TLR7: variants seen among roughly 807,000 people sequenced by gnomAD.
TLR7 encodes the protein toll-like receptor 7.
TLR7 carries 12 observed loss-of-function variants against 38.3 expected under a neutral mutation model. The observed-to-expected ratio is 0.31, with a 90% CI of 0.20 to 0.51. The LOEUF (loss-of-function observed/expected upper bound fraction) is 0.51. TLR7 is among the 20% of genes least tolerant of loss of function. The pLI, the probability that TLR7 is intolerant of heterozygous loss-of-function variation, is 0.98. For missense variants in TLR7, 504 were observed against 743.4 expected, an observed-to-expected ratio of 0.68 and a Z score of 3.74; for synonymous variants, 285 against 293.8, an observed-to-expected ratio of 0.97 and a Z score of 0.31.
intron 2 of TLR7, among the ~76,000 whole-genome samples, chrX:12,877,110 A>C (rs1217417093): frequency 8.9e-6 from 1 of 112,059 alleles, no homozygotes; most frequent in African/African-American, 3.2e-5. Flanking sequence ...ACACTGAAGG[A>C]AATTTCCATT....
intron 2 of TLR7, 96 bp from the exon 3 acceptor site, chrX:12,885,416 T>C (rs1245119936): frequency 4.9e-6 from 4 of 819,374 alleles, no homozygotes; most frequent in Non-Finnish European, 7.0e-6. Flanking sequence ...TTGTTTATTT[T>C]TAAAATGTTG....
rs943303582 is a variant in TLR7, at chrX:12,887,689, T to C, written c.2181T>C (p.Asn727=). ...RLSNCSRSLK[N]LILKNNQIRS... ...CCAACTGTTCCAGAAGCCTCAAGAA[T>C]CTGATTCTTAAGAATAATCAAATCA... Residue 727 remains asparagine, a synonymous_variant, in exon 3 of 3, where the codon AAT becomes AAC. Coordinates refer to ENST00000380659, the MANE Select transcript of TLR7 (RefSeq NM_016562.4). The C allele has an allele frequency of 2.5e-6, 3 of 1,210,010 alleles. No individual in the cohort carries two copies. The highest frequency in any genetic ancestry group is 1.1e-6 in the Non-Finnish European group (1 of 895,302).
rs1201818572 is a variant in TLR7, at chrX:12,887,104, T to G, written c.1596T>G (p.Thr532=). 1.7e-6 allele frequency: 2 copies of G among 1,210,997 alleles called. No homozygotes were observed. Among genetic ancestry groups the G allele is most frequent in the Non-Finnish European group, 2.2e-6 (2 of 895,081 alleles). The change falls in exon 3 of 3, where the codon ACT becomes ACG. Residue 532 remains threonine (T), a synonymous_variant. Coordinates refer to ENST00000380659, the MANE Select transcript of TLR7 (RefSeq NM_016562.4). ...TGTCAGGAAATCTCATTAGCCAAAC[T>G]CTTAATGGCAGTGAATTCCAACCTT... is the stretch of plus-strand genomic sequence containing the variant. ...LNLSGNLISQ[T]LNGSEFQPLA... is the part of the protein sequence containing the mutation.
chrX:12,889,403 CA>C lies in TLR7; in HGVS notation c.*758del, dbSNP rs371951034. ...ACAGAGCTAGACTGTCTCAAAAGAA[CA>C]AAAAAAAAAAAACACAAAAAAACTC... On this transcript the variant is annotated 3_prime_UTR_variant, in exon 3 of 3. Coordinates refer to ENST00000380659, the MANE Select transcript of TLR7 (RefSeq NM_016562.4). The C allele has an allele frequency of 0.013, 1,217 of 93,787 alleles. 10 individuals are homozygous for C. The highest frequency in any genetic ancestry group is 0.042 in the African/African-American group (1,077 of 25,887). 7.7% of individuals were successfully genotyped at this position (93,787 alleles called of 1,213,427 possible). A position where few individuals can be genotyped will look rare whatever the true frequency, so the allele number is the denominator to read the frequency against.
chrX:12,869,806 A>G (rs1253992543), intron 2 of TLR7, among the ~76,000 whole-genome samples: 2 of 98,059 alleles, frequency 2.0e-5, no homozygotes, highest in Non-Finnish European at 4.0e-5. Flanking sequence ...AAAACTATTT[A>G]CCAAGATGGT....
At chrX:12,884,217 C>T (rs5743775) in intron 2 of TLR7, among the ~76,000 whole-genome samples, 2,026 of 111,796 alleles carry the variant, frequency 0.018, 57 homozygotes, top group African/African-American at 0.063. Flanking sequence ...TGGCCTCAAG[C>T]GATCCGCCTG....
chrX:12,879,330 G>A (rs111561748), intron 2 of TLR7, among the ~76,000 whole-genome samples: 59 of 111,946 alleles, frequency 5.3e-4, no homozygotes, highest in African/African-American at 1.8e-3. Context: ...CATATTTTAG[G>A]TTCGCTCATG....
Position 12,887,484 on chromosome X carries a change from A to G in TLR7, c.1976A>G (p.Lys659Arg), listed in dbSNP as rs1323900154. The G allele has an allele frequency of 1.7e-6, 2 of 1,210,499 alleles. No homozygotes were observed. The highest frequency in any genetic ancestry group is 1.7e-5 in the African/African-American group (1 of 57,806). Reference sequence around the variant, plus strand: ...AAATTAGAGGAATTAGACATCTCTAAAAATTCCCTAAGTTTCTTGCCTTCT... The same window carrying G: ...AAATTAGAGGAATTAGACATCTCTAGAAATTCCCTAAGTTTCTTGCCTTCT... ...LLKLEELDISKNSLSFLPSGV... is the reference protein window; with the variant it reads ...LLKLEELDISRNSLSFLPSGV... Residue 659 changes from lysine (K) to arginine (R), a missense_variant, in exon 3 of 3, where the codon AAA (lysine) becomes AGA (arginine). Coordinates refer to ENST00000380659, the MANE Select transcript of TLR7 (RefSeq NM_016562.4).
In TLR7 at chrX:12,887,659, A is replaced by T; in HGVS notation, c.2151A>T (p.Arg717Ser). Reference protein sequence around the residue: ...SHNQLTTVPERLSNCSRSLKN... With the variant: ...SHNQLTTVPESLSNCSRSLKN... ...ACCAACTGACCACTGTCCCTGAGAG[A>T]TTATCCAACTGTTCCAGAAGCCTCA... Residue 717 changes from arginine (R) to serine (S), a missense_variant, in exon 3 of 3, where the codon AGA (arginine) becomes AGT (serine). Physicochemically the swap from Arg to Ser is moderately radical, Grantham distance 110 (BLOSUM62 -1). Coordinates refer to ENST00000380659, the MANE Select transcript of TLR7 (RefSeq NM_016562.4). The T allele has an allele frequency of 8.3e-7, 1 of 1,211,438 alleles. No individual in the cohort carries two copies. Among genetic ancestry groups the T allele is most frequent in the Non-Finnish European group, 1.1e-6 (1 of 895,383 alleles).
intron 2 of TLR7, among the ~76,000 whole-genome samples, chrX:12,875,356 T>C (rs1266043054): frequency 1.8e-5 from 2 of 112,291 alleles, no homozygotes; most frequent in Non-Finnish European, 3.8e-5. Context: ...CTACTTTGTC[T>C]AGCACAGTAC....
chrX:12,867,527 C>T lies in TLR7; in HGVS notation c.-52C>T. On this transcript the variant is annotated 5_prime_UTR_variant, in exon 2 of 3. Coordinates refer to ENST00000380659, the MANE Select transcript of TLR7 (RefSeq NM_016562.4). Reference sequence around the variant, plus strand: ...CAAGCTGATCTTGGCACCTCTCATGCTCTGCTCTCTTCAACCAGACCTCTA... The same window carrying T: ...CAAGCTGATCTTGGCACCTCTCATGTTCTGCTCTCTTCAACCAGACCTCTA... The T allele has an allele frequency of 8.4e-7, 1 of 1,187,081 alleles. No individual in the cohort carries two copies. The highest frequency in any genetic ancestry group is 1.8e-5 in the South Asian group (1 of 55,902).
intron 2 of TLR7, among the ~76,000 whole-genome samples, chrX:12,881,163 G>T (rs925907145): frequency 5.5e-5 from 6 of 109,269 alleles, no homozygotes; most frequent in African/African-American, 1.3e-4. Context: ...GGAGGTGGAG[G>T]TTGCAGTGAA....
At chrX:12,877,138 C>T (rs914873042) in intron 2 of TLR7, among the ~76,000 whole-genome samples, 5 of 111,684 alleles carry the variant, frequency 4.5e-5, no homozygotes, top group African/African-American at 9.8e-5. Flanking sequence ...AGGAATATTT[C>T]ACACTTTTAA....
At chrX:12,876,040 C>A (rs1298784837) in intron 2 of TLR7, among the ~76,000 whole-genome samples, 8 of 107,794 alleles carry the variant, frequency 7.4e-5, no homozygotes, top group African/African-American at 2.7e-4. Context: ...CTTACTGCAA[C>A]CTCTGCCTCC....
Position 12,886,316 on chromosome X carries a change from T to C in TLR7, c.808T>C (p.Cys270Arg). The C allele has an allele frequency of 8.3e-7, 1 of 1,211,906 alleles. No homozygotes were observed. Among genetic ancestry groups the C allele is most frequent in the Non-Finnish European group, 1.1e-6 (1 of 895,443 alleles). The change falls in exon 3 of 3, where the codon TGT (cysteine) becomes CGT (arginine). Residue 270 changes from cysteine (C) to arginine (R), a missense_variant. Transcript: ENST00000380659. The stretch of plus-strand genomic sequence containing the variant: ...TCGTTGTTATAATGCCCCATTTCCT[T>C]GTGCGCCGTGTAAAAATAATTCTCC... ...CPRCYNAPFP[C>R]APCKNNSPLQ...
Position 12,887,036 on chromosome X carries a change from T to G in TLR7, c.1528T>G (p.Ser510Ala), listed in dbSNP as rs776609734. The change falls in exon 3 of 3, where the codon TCC becomes GCC. Residue 510 changes from serine to alanine, a missense_variant. Coordinates refer to ENST00000380659, the MANE Select transcript of TLR7 (RefSeq NM_016562.4). ...TAAAAATAGTATATTTTTTGTCAAG[T>G]CCTCTGATTTTCAGCATCTTTCTTT... ...LSKNSIFFVK[S>A]SDFQHLSFLK... 1.7e-6 allele frequency: 2 copies of G among 1,209,628 alleles called. No homozygotes were observed.
intron 2 of TLR7, among the ~76,000 whole-genome samples, chrX:12,884,369 T>C (rs1224559057): frequency 3.6e-5 from 4 of 111,965 alleles, no homozygotes; most frequent in Non-Finnish European, 7.5e-5. Context: ...TAGATCCCTA[T>C]GGTAGAGACA....
chrX:12,885,673 T>A lies in TLR7; in HGVS notation c.165T>A (p.His55Gln), dbSNP rs752222864. ...NHVIVDCTDKHLTEIPGGIPT... is the reference protein window; with the variant it reads ...NHVIVDCTDKQLTEIPGGIPT... ...TGATCGTGGACTGCACAGACAAGCA[T>A]TTGACAGAAATTCCTGGAGGTATTC... Residue 55 changes from histidine (H) to glutamine (Q), a missense_variant, in exon 3 of 3, where the codon CAT becomes CAA. His to Gln is a conservative substitution (Grantham distance 24, BLOSUM62 0). Transcript: ENST00000380659. 8.3e-6 allele frequency: 10 copies of A among 1,211,836 alleles called. 1 individual carries two copies. In the South Asian group the frequency reaches 1.8e-4, roughly 21 times the overall value.
At position 12,886,411 on chromosome X, in the gene TLR7, T is replaced by C. The variant is rs769481664; in HGVS notation, c.903T>C (p.Ser301=). ...ELKVLRLHSN[S]LQHVPPRWFK... ...AAGTTTTACGTCTACACAGTAACTC[T>C]CTTCAGCATGTGCCCCCAAGATGGT... The change falls in exon 3 of 3, where the codon TCT becomes TCC. Residue 301 remains serine, a synonymous_variant. Coordinates refer to ENST00000380659, the MANE Select transcript of TLR7 (RefSeq NM_016562.4). 2 of 1,211,941 alleles carry C rather than the reference T, an allele frequency of 1.7e-6. No individual in the cohort carries two copies. The highest frequency in any genetic ancestry group is 3.5e-5 in the South Asian group (2 of 57,022).
Sources: gnomAD v4.1 joint callset for allele counts (sites outside exome capture counted in the v4.1 genomes callset) on GRCh38, gnomAD v4.1.1 for gene constraint, MANE v1.5 for transcripts, NCBI Gene and HGNC (gene_info 2026-07-23, HGNC 2026-07-21) for gene names.